Variants in MGST1 observed in about 807,000 individuals in gnomAD.
MGST1 encodes the protein microsomal glutathione S-transferase 1, also known as glutathione S-transferase 12.
MGST1 carries 5 observed loss-of-function variants against 8.9 expected under a neutral mutation model. That is an observed-to-expected ratio of 0.56 (90% CI 0.29 to 1.19). The LOEUF (loss-of-function observed/expected upper bound fraction) is 1.19, where lower values mean the gene tolerates loss of function less well. MGST1 is among the 50% of genes most tolerant of loss of function. The pLI is 0.08. For synonymous variants in MGST1, 54 were observed against 67.8 expected, an observed-to-expected ratio of 0.80 and a Z score of 1.00; for missense variants, 182 against 187.4, an observed-to-expected ratio of 0.97 and a Z score of 0.17.
exon 4 of MGST1, chr12:16,377,145 G>T (rs947834116): frequency 3.3e-5 from 5 of 151,700 alleles, no homozygotes; most frequent in Non-Finnish European, 5.9e-5. Context: ...GTGTGCGTGT[G>T]TTTTTTAAAT....
chr12:16,545,771 T>A (rs1278034386), intron 4 of MGST1, among the ~76,000 whole-genome samples: 2 of 152,094 alleles, frequency 1.3e-5, no homozygotes, highest in African/African-American at 4.8e-5. Flanking sequence ...AGATTGCATC[T>A]AGAAAAATAT....
At position 16,511,811 on chromosome 12, in the gene MGST1, T is replaced by C. The variant is rs188038802; in HGVS notation, n.483-77717T>C. On this transcript the variant is annotated intron_variant and non_coding_transcript_variant, in intron 4 of 4. Transcript: ENST00000538857. ...TTCCTGAGGACACAGAGTCTGATAG[T>C]GCAAATAGGGTCACATTTGGAGACA... is the stretch of plus-strand genomic sequence containing the variant. 5.9e-5 allele frequency among the ~76,000 whole-genome samples: 9 copies of C among 152,286 alleles called. No homozygotes were observed. The East Asian group carries it at 1.3e-3, about 23-fold the overall frequency.
At chr12:16,478,544 T>C (rs905859127) in intron 4 of MGST1, among the ~76,000 whole-genome samples, 5 of 152,090 alleles carry the variant, frequency 3.3e-5, no homozygotes, top group Non-Finnish European at 5.9e-5. Flanking sequence ...TACTATAATA[T>C]TTTTTATGTT....
At chr12:16,578,942 GAAAAGA>G (rs910997464) in intron 4 of MGST1, among the ~76,000 whole-genome samples, 2 of 151,986 alleles carry the variant, frequency 1.3e-5, no homozygotes, top group South Asian at 2.1e-4. Context: ...GAAATAAAAA[GAAAAGA>G]AAAAGTTCTT....
intron 2 of MGST1, among the ~76,000 whole-genome samples, chr12:16,357,054 C>T (rs1268095532): frequency 1.3e-5 from 2 of 152,136 alleles, no homozygotes; most frequent in African/African-American, 4.8e-5. Flanking sequence ...TATTTTTATT[C>T]ACTGGTTTTT....
intron 3 of MGST1, among the ~76,000 whole-genome samples, chr12:16,358,779 C>CCTTTTTT (rs1939847579): frequency 1.7e-5 from 1 of 57,574 alleles, no homozygotes; most frequent in South Asian, 6.9e-4. Flanking sequence ...AAATTCATTC[C>CCTTTTTT]TTTTTTTTTT....
chr12:16,384,811 C>T (rs763173297), intron 1 of MGST1, among the ~76,000 whole-genome samples: 99 of 152,346 alleles, frequency 6.5e-4, no homozygotes, highest in Middle Eastern at 3.4e-3. Flanking sequence ...CTAAGTATCT[C>T]TTGACGTACT....
intron 4 of MGST1, among the ~76,000 whole-genome samples, chr12:16,520,858 G>C (rs1166233670): frequency 2.0e-5 from 3 of 152,070 alleles, no homozygotes; most frequent in Non-Finnish European, 4.4e-5. Context: ...GTTTCATTTG[G>C]GGTACCCAAT....
intron 4 of MGST1, chr12:16,551,404 A>G: frequency 1.1e-6 from 1 of 889,966 alleles, no homozygotes; most frequent in African/African-American, 1.7e-5. Context: ...TTATTTTCCT[A>G]TTAATAGTTT....
chr12:16,396,407 T>A (rs139594996), intron 1 of MGST1, among the ~76,000 whole-genome samples: 178 of 152,256 alleles, frequency 1.2e-3, no homozygotes, highest in African/African-American at 4.0e-3. Flanking sequence ...AACACTTCTA[T>A]TCAATGTATT....
chr12:16,509,843 A>G (rs1941564907), intron 4 of MGST1, among the ~76,000 whole-genome samples: 1 of 152,112 alleles, frequency 6.6e-6, no homozygotes, highest in Non-Finnish European at 1.5e-5. Flanking sequence ...TTTAGGTAGG[A>G]GTGATTCAGA....
At chr12:16,385,012 G>A (rs1266491255) in intron 1 of MGST1, among the ~76,000 whole-genome samples, 8 of 152,196 alleles carry the variant, frequency 5.3e-5, no homozygotes, top group Admixed American at 4.6e-4. Flanking sequence ...GAGTTAGGTG[G>A]GAAAGGGGAA....
rs929369069 is a variant in MGST1 at position 16,376,110 on chromosome 12, T to A, written c.222-12T>A. ...AGGATATTAAAAATCTTATTTTTTT[T>A]TAATTGTTTAGAATCAAACAAACCC... is the stretch of plus-strand genomic sequence containing the variant. On this transcript the variant is annotated splice_polypyrimidine_tract_variant and intron_variant, in intron 3 of 3. Transcript: ENST00000535309. 9.8e-6 allele frequency: 13 copies of A among 1,322,390 alleles called. 1 individual carries two copies. In the Admixed American group the frequency reaches 1.8e-4, roughly 18 times the overall value. The allele number at this position is 1,322,390 out of a possible 1,614,324, so 81.9% of individuals were successfully genotyped here. A position where few individuals can be genotyped will look rare whatever the true frequency, so the allele number is the denominator to read the frequency against.
chr12:16,588,287 T>C (rs1943383790), intron 4 of MGST1, among the ~76,000 whole-genome samples: 1 of 151,964 alleles, frequency 6.6e-6, no homozygotes, highest in Non-Finnish European at 1.5e-5. Context: ...TCAAATTTCT[T>C]TAAGAATAAA....
In MGST1 at chr12:16,546,242, GA is replaced by G. The variant is rs1406382815; in HGVS notation, n.483-43280del. On this transcript the variant is annotated intron_variant and non_coding_transcript_variant, in intron 4 of 4. Transcript: ENST00000538857. The surrounding 1 kb of genome is among the most constrained non-coding windows in gnomAD (Gnocchi z 4.7). ...TTAAACTCTTCTCCAGGAGCAGGGT[GA>G]AAAAAGATTTTGATTATGTATTATC... 2.8e-4 allele frequency among the ~76,000 whole-genome samples: 43 copies of G among 152,076 alleles called. No individual in the cohort carries two copies. Among genetic ancestry groups the G allele is most frequent in the South Asian group, 6.2e-4 (3 of 4,832 alleles).
chr12:16,485,379 C>T (rs998877131), intron 4 of MGST1, among the ~76,000 whole-genome samples: 4 of 152,166 alleles, frequency 2.6e-5, no homozygotes, highest in African/African-American at 9.7e-5. Context: ...AAATTCAGTT[C>T]CTCTGCTTGA....
intron 1 of MGST1, among the ~76,000 whole-genome samples, chr12:16,404,761 TC>T (rs1162652445): frequency 2.0e-5 from 3 of 152,198 alleles, no homozygotes; most frequent in Non-Finnish European, 2.9e-5. Context: ...TCAGTGGTCT[TC>T]TAGCTTTACG....
chr12:16,453,684 G>A (rs1941147799), intron 4 of MGST1, among the ~76,000 whole-genome samples: 1 of 151,896 alleles, frequency 6.6e-6, no homozygotes, highest in Non-Finnish European at 1.5e-5. Flanking sequence ...GGAAGTGTCT[G>A]TTCCATGCCT....
chr12:16,356,005 C>T (rs184928596), intron 2 of MGST1, among the ~76,000 whole-genome samples: 1 of 152,266 alleles, frequency 6.6e-6, no homozygotes, highest in East Asian at 1.9e-4. Flanking sequence ...ATTGTATCCT[C>T]ACATTGGCAG....
Sources: allele counts gnomAD v4.1 joint callset (sites outside exome capture counted in the v4.1 genomes callset), GRCh38; gene constraint gnomAD v4.1.1; non-coding constraint Gnocchi (gnomAD v3.1); transcripts MANE v1.5; gene names NCBI Gene and HGNC (gene_info 2026-07-23, HGNC 2026-07-21).